Variants in TBC1D5 observed in about 807,000 individuals in gnomAD.
TBC1D5 encodes TBC1 domain family, member 5.
TBC1D5 carries 75 observed loss-of-function variants against 100.3 expected under a neutral mutation model. The ratio of observed to expected loss-of-function variants is 0.75; its 90% CI spans 0.62 to 0.91. The LOEUF is 0.91. Ranked by LOEUF, TBC1D5 falls within the 40% of genes least tolerant of loss-of-function variation. TBC1D5 has a pLI of 0.00. For synonymous variants in TBC1D5, 323 were observed against 325.6 expected (o/e 0.99, Z 0.09); for missense variants, 910 against 942.4 (o/e 0.97, Z 0.45).
chr3:17,602,308 T>C (rs1444501679), intron 2 of TBC1D5, among the ~76,000 whole-genome samples: 1 of 152,160 alleles, frequency 6.6e-6, no homozygotes, highest in African/African-American at 2.4e-5. Context: ...GTGTCTTCTA[T>C]ACCCATGCGC....
At chr3:17,386,713 G>A (rs1325366161) in intron 8 of TBC1D5, among the ~76,000 whole-genome samples, 7 of 152,058 alleles carry the variant, frequency 4.6e-5, no homozygotes, top group Non-Finnish European at 1.0e-4. Context: ...CTTCCACTAC[G>A]TGGCTGTGCT....
chr3:17,509,424 C>T (rs948853791), intron 2 of TBC1D5, among the ~76,000 whole-genome samples: 21 of 151,994 alleles, frequency 1.4e-4, no homozygotes, highest in African/African-American at 4.3e-4. Flanking sequence ...AAGATTTTAG[C>T]AAACTGTACT....
intron 18 of TBC1D5, among the ~76,000 whole-genome samples, chr3:17,197,011 G>A (rs2070785313): frequency 6.6e-6 from 1 of 152,082 alleles, no homozygotes; most frequent in Admixed American, 6.6e-5. Context: ...AGGAATGCAG[G>A]AATACACAAA....
At chr3:17,348,476 A>G (rs546287045) in intron 13 of TBC1D5, among the ~76,000 whole-genome samples, 1 of 152,312 alleles carries the variant, frequency 6.6e-6, no homozygotes, top group East Asian at 1.9e-4. Context: ...TCCTCGCACT[A>G]CACTCTGAGT....
intron 17 of TBC1D5, among the ~76,000 whole-genome samples, chr3:17,217,110 T>C (rs1482359958): frequency 1.3e-5 from 2 of 152,154 alleles, no homozygotes; most frequent in Admixed American, 6.5e-5. Context: ...AGACATGTCA[T>C]GTAGATGGAG....
At chr3:17,435,336 T>C (rs2094516991) in intron 3 of TBC1D5, among the ~76,000 whole-genome samples, 1 of 152,188 alleles carries the variant, frequency 6.6e-6, no homozygotes, top group African/African-American at 2.4e-5. Context: ...CCTTATCACA[T>C]TGCTATAAAG....
chr3:17,185,150 G>A (rs1037391768), exon 19 of TBC1D5: 1 of 1,613,458 alleles, frequency 6.2e-7, no homozygotes, highest in Non-Finnish European at 8.5e-7. Flanking sequence ...TTTGCACATG[G>A]CATCCAGGTC....
At chr3:17,727,130 C>T (rs1295968551) in intron 1 of TBC1D5, among the ~76,000 whole-genome samples, 2 of 152,168 alleles carry the variant, frequency 1.3e-5, no homozygotes, top group African/African-American at 4.8e-5. Flanking sequence ...TGCCTGTAAT[C>T]CTAGCACTTT....
At chr3:17,244,689 A>G (rs1290833389) in intron 16 of TBC1D5, among the ~76,000 whole-genome samples, 1 of 152,232 alleles carries the variant, frequency 6.6e-6, no homozygotes, top group East Asian at 1.9e-4. Flanking sequence ...GACAGAAACA[A>G]TATTCTCTTT....
intron 12 of TBC1D5, among the ~76,000 whole-genome samples, 200 bp from the exon 13 acceptor site, chr3:17,372,447 A>G (rs531442302): frequency 6.6e-6 from 1 of 152,312 alleles, no homozygotes; most frequent in African/African-American, 2.4e-5. Flanking sequence ...TTTTAGGAAT[A>G]TATTATTCAT....
intron 2 of TBC1D5, among the ~76,000 whole-genome samples, chr3:17,618,626 G>C (rs2062390680): frequency 6.6e-6 from 1 of 152,202 alleles, no homozygotes; most frequent in Non-Finnish European, 1.5e-5. Flanking sequence ...CCCTCCCCCA[G>C]CCAGGCTGCA....
intron 2 of TBC1D5, among the ~76,000 whole-genome samples, chr3:17,511,121 A>G (rs2095900537): frequency 1.3e-5 from 2 of 152,192 alleles, no homozygotes; most frequent in African/African-American, 2.4e-5. Context: ...CTAGAAATCA[A>G]AAATTTTATG....
rs139523111 is a variant in TBC1D5 at position 17,727,574 on chromosome 3, A to G, written c.-101+11769T>C. Among the ~76,000 whole-genome samples, 1,459 of 152,340 alleles carry G rather than the reference A, an allele frequency of 9.6e-3. 16 individuals are homozygous for G. The highest frequency in any genetic ancestry group is 0.033 in the African/African-American group (1,359 of 41,574). On this transcript the variant is annotated intron_variant, in intron 1 of 21. Coordinates refer to ENST00000253692, the Ensembl canonical transcript of TBC1D5. ...GTTTATTAAATTGTTAATCGTCCAC[A>G]AATCTACATGAAATAAATGATTTTG...
chr3:17,286,858 A>G (rs1020408015), intron 15 of TBC1D5, among the ~76,000 whole-genome samples: 19 of 152,204 alleles, frequency 1.2e-4, no homozygotes, highest in Non-Finnish European at 4.4e-5. Context: ...GACCTTGAAT[A>G]AGTCTCTAAG....
chr3:17,162,512 A>G (rs1021668947), intron 21 of TBC1D5, among the ~76,000 whole-genome samples: 2 of 152,266 alleles, frequency 1.3e-5, no homozygotes, highest in Non-Finnish European at 2.9e-5. Flanking sequence ...CAGTCAGAGA[A>G]CATAAACGTA....
At chr3:17,590,826 C>A (rs556789638) in intron 2 of TBC1D5, among the ~76,000 whole-genome samples, 1 of 152,188 alleles carries the variant, frequency 6.6e-6, no homozygotes, top group East Asian at 1.9e-4. Flanking sequence ...TTGGCATTGA[C>A]TAATTAATCA....
At chr3:17,205,145 C>G (rs1006838816) in intron 18 of TBC1D5, among the ~76,000 whole-genome samples, 1 of 152,146 alleles carries the variant, frequency 6.6e-6, no homozygotes, top group Admixed American at 6.5e-5. Flanking sequence ...ATAAACTATA[C>G]TAAATGGGAA....
chr3:17,698,351 T>C (rs1382722703), intron 1 of TBC1D5, among the ~76,000 whole-genome samples: 3 of 151,654 alleles, frequency 2.0e-5, no homozygotes, highest in African/African-American at 7.3e-5. Flanking sequence ...TGGAGAAAGC[T>C]GAAACTGGAA....
chr3:17,582,160 C>G (rs916965321), intron 2 of TBC1D5, among the ~76,000 whole-genome samples: 3 of 152,204 alleles, frequency 2.0e-5, no homozygotes, highest in African/African-American at 7.2e-5. Flanking sequence ...CCTCTCCACC[C>G]TGGAATGTAA....
Sources: gnomAD v4.1 joint callset for allele counts (sites outside exome capture counted in the v4.1 genomes callset) on GRCh38, gnomAD v4.1.1 for gene constraint, MANE v1.5 for transcripts, NCBI Gene and HGNC (gene_info 2026-07-23, HGNC 2026-07-21) for gene names.